The following DSCAM variants were observed in gnomAD, a reference collection of about 807,000 sequenced individuals.
DSCAM encodes the protein DS cell adhesion molecule.
DSCAM carries 47 observed loss-of-function variants against 217.7 expected under a neutral mutation model. The ratio of observed to expected loss-of-function variants is 0.22; its 90% CI spans 0.17 to 0.28. The LOEUF is 0.28. DSCAM is among the 10% of genes least tolerant of loss of function. The pLI, the probability that DSCAM is intolerant of heterozygous loss-of-function variation, is 1.00. For synonymous variants in DSCAM, 1,056 were observed against 1,015.3 expected (o/e 1.04, Z -0.76); for missense variants, 2,080 against 2,618.3 (o/e 0.79, Z 4.49).
intron 1 of DSCAM, among the ~76,000 whole-genome samples, chr21:40,763,847 G>A (rs921383275): frequency 1.3e-5 from 2 of 152,154 alleles, no homozygotes; most frequent in African/African-American, 4.8e-5. Context: ...AATGGGGAAA[G>A]GATTCCCTAT....
At chr21:40,659,234 C>T (rs538553068) in intron 3 of DSCAM, among the ~76,000 whole-genome samples, 2 of 152,290 alleles carry the variant, frequency 1.3e-5, no homozygotes, top group South Asian at 2.1e-4. Context: ...AAACCTTGGC[C>T]CCATGCATTC....
intron 3 of DSCAM, among the ~76,000 whole-genome samples, chr21:40,489,908 A>T (rs1295500582): frequency 6.6e-6 from 1 of 152,128 alleles, no homozygotes; most frequent in Non-Finnish European, 1.5e-5. Flanking sequence ...GTTAGGATAC[A>T]ACGTAAGATT....
At chr21:40,175,569 TG>T (rs976089707) in intron 15 of DSCAM, among the ~76,000 whole-genome samples, 2 of 152,104 alleles carry the variant, frequency 1.3e-5, no homozygotes, top group African/African-American at 4.8e-5. Flanking sequence ...GTGATCTTAT[TG>T]GGCCTTGGGC....
At chr21:40,778,746 C>T (rs918511708) in intron 1 of DSCAM, among the ~76,000 whole-genome samples, 14 of 151,830 alleles carry the variant, frequency 9.2e-5, no homozygotes, top group Non-Finnish European at 1.8e-4. Flanking sequence ...GAATGTGGGC[C>T]GGGCATGGTG....
At chr21:40,602,973 AG>A (rs1457574999) in intron 3 of DSCAM, among the ~76,000 whole-genome samples, 5 of 410 alleles carry the variant, frequency 0.012, no homozygotes, top group Non-Finnish European at 0.018. Context: ...CAATGTTATA[AG>A]TTTTCTGTGA....
At position 40,078,984 on chromosome 21, in the gene DSCAM, G is replaced by A. The variant is rs766515048; in HGVS notation, c.4421-7C>T. ...TCCTTTGAGAACTGGGGCTCTGGGG[G>A]AGAAGGCACATGGAGGTCAGCTCAC... On this transcript the variant is annotated splice_region_variant and splice_polypyrimidine_tract_variant and intron_variant, in intron 25 of 32. Transcript: ENST00000400454. 4 of 1,612,610 alleles carry A rather than the reference G, an allele frequency of 2.5e-6. No individual in the cohort carries two copies. Among genetic ancestry groups the A allele is most frequent in the African/African-American group, 1.3e-5 (1 of 75,040 alleles).
chr21:40,461,115 T>C (rs2075802373), intron 3 of DSCAM, among the ~76,000 whole-genome samples: 1 of 151,056 alleles, frequency 6.6e-6, no homozygotes, highest in Non-Finnish European at 1.5e-5. Flanking sequence ...AATGCAGCTG[T>C]TTAAAAGAAA....
At chr21:40,256,012 A>G (rs1358855079) in intron 11 of DSCAM, among the ~76,000 whole-genome samples, 2 of 152,236 alleles carry the variant, frequency 1.3e-5, no homozygotes. Context: ...GGATAATAAA[A>G]GGGTATTTTC....
Position 40,030,078 on chromosome 21 carries a change from A to C in DSCAM, c.5686+12293T>G, listed in dbSNP as rs376696145. Among the ~76,000 whole-genome samples the C allele has an allele frequency of 8.9e-4, 136 of 152,280 alleles. 1 individual carries two copies. In the South Asian group the frequency reaches 0.028, roughly 31 times the overall value. ...GACACATATATGTTGACACACATGC[A>C]CATGTACGTGGATACATAAGCACAT... On this transcript the variant is annotated intron_variant, in intron 32 of 32. Transcript: ENST00000400454.
At chr21:40,793,789 A>G (rs538429500) in intron 1 of DSCAM, among the ~76,000 whole-genome samples, 5 of 152,204 alleles carry the variant, frequency 3.3e-5, no homozygotes, top group Non-Finnish European at 5.9e-5. Context: ...CGATGCCTGG[A>G]CTGTTCTACC....
intron 20 of DSCAM, among the ~76,000 whole-genome samples, chr21:40,113,398 T>C (rs1382619871): frequency 2.0e-5 from 3 of 152,162 alleles, no homozygotes; most frequent in Non-Finnish European, 4.4e-5. Context: ...AATTAGGTAT[T>C]GATGGGACGT....
intron 5 of DSCAM, among the ~76,000 whole-genome samples, chr21:40,352,162 T>G (rs2074638066): frequency 6.6e-6 from 1 of 152,182 alleles, no homozygotes; most frequent in South Asian, 2.1e-4. Flanking sequence ...TAAGTGGGTT[T>G]TAATGCAAAA....
In DSCAM at chr21:40,121,681, C is replaced by CTTTT. The variant is rs201672838; in HGVS notation, c.3696+2510_3696+2513dup. Among the ~76,000 whole-genome samples, 51 of 73,750 alleles carry CTTTT rather than the reference C, an allele frequency of 6.9e-4. 7 individuals carry two copies. The highest frequency in any genetic ancestry group is 2.8e-3 in the African/African-American group (48 of 17,396). The allele number at this position is 73,750 out of a possible 152,430, so 48.4% of individuals were successfully genotyped here. On this transcript the variant is annotated intron_variant, in intron 20 of 32. Coordinates refer to ENST00000400454, the MANE Select transcript of DSCAM (RefSeq NM_001389.5). Reference sequence around the variant, plus strand: ...CTGGTGGGTTTGCTCTCATTACTGTCTTTTTTTTTTTTTTTTTTTTTTTTT... The same window carrying CTTTT: ...CTGGTGGGTTTGCTCTCATTACTGTCTTTTTTTTTTTTTTTTTTTTTTTTTTTTT...
chr21:40,476,423 T>A (rs1283701757), intron 3 of DSCAM, among the ~76,000 whole-genome samples: 1 of 152,234 alleles, frequency 6.6e-6, no homozygotes, highest in Non-Finnish European at 1.5e-5. Context: ...ATATATTGCA[T>A]GCAAAATGCA....
intron 16 of DSCAM, among the ~76,000 whole-genome samples, chr21:40,147,000 CAA>C (rs1251402017): frequency 1.3e-5 from 2 of 152,176 alleles, no homozygotes; most frequent in Admixed American, 6.5e-5. Context: ...AATTTACCAA[CAA>C]AGAGATTTCC....
intron 1 of DSCAM, among the ~76,000 whole-genome samples, chr21:40,722,736 G>A (rs1169144382): frequency 1.3e-5 from 2 of 151,942 alleles, no homozygotes; most frequent in African/African-American, 4.8e-5. Context: ...GTAAAACATT[G>A]TCAGATTGAA....
intron 9 of DSCAM, among the ~76,000 whole-genome samples, chr21:40,309,224 C>T (rs1004132568): frequency 6.6e-6 from 1 of 152,064 alleles, no homozygotes; most frequent in Non-Finnish European, 1.5e-5. Context: ...GCACATTGAC[C>T]TTCTTTCTTT....
At chr21:40,489,195 G>A (rs140264506) in intron 3 of DSCAM, among the ~76,000 whole-genome samples, 113 of 152,278 alleles carry the variant, frequency 7.4e-4, no homozygotes, top group Non-Finnish European at 1.3e-3. Flanking sequence ...TTTAGTCAGT[G>A]GACTCTGAGC....
chr21:40,482,113 A>T (rs2075988351), intron 3 of DSCAM, among the ~76,000 whole-genome samples: 1 of 152,214 alleles, frequency 6.6e-6, no homozygotes, highest in Non-Finnish European at 1.5e-5. Flanking sequence ...ATTTATTTGT[A>T]CATGAAAATG....
Sources: gnomAD v4.1 joint callset for allele counts (sites outside exome capture counted in the v4.1 genomes callset) on GRCh38, gnomAD v4.1.1 for gene constraint, MANE v1.5 for transcripts, NCBI Gene and HGNC (gene_info 2026-07-23, HGNC 2026-07-21) for gene names.